ZNF519: variants seen among roughly 807,000 people sequenced by gnomAD.
The protein encoded by ZNF519 is zinc finger protein 519.
A neutral mutation model predicts 7.4 loss-of-function variants in ZNF519; 7 were observed. The observed-to-expected ratio is 0.94, with a 90% CI of 0.54 to 1.77. ZNF519 has a LOEUF of 1.77. Among genes scored for constraint, ZNF519 ranks in the 40% most tolerant of loss-of-function variants. The pLI is 0.00. For missense variants in ZNF519, 586 were observed against 623.1 expected (o/e 0.94, Z 0.63); for synonymous variants, 179 against 203.3 (o/e 0.88, Z 1.02).
At chr18:14,088,018 C>A (rs888010567) in intron 2 of ZNF519, among the ~76,000 whole-genome samples, 3 of 152,150 alleles carry the variant, frequency 2.0e-5, no homozygotes, top group Non-Finnish European at 4.4e-5. Flanking sequence ...AAAGCAAGAT[C>A]ATCACCAATT....
At chr18:14,075,533 C>A (rs2046044458), downstream of ZNF519, 1 of 152,150 alleles carries the variant, frequency 6.6e-6, no homozygotes, top group African/African-American at 2.4e-5. Flanking sequence ...TGTTTCAACC[C>A]AAAAGCAGGC....
chr18:14,095,073 C>T (rs980230820), downstream of ZNF519, among the ~76,000 whole-genome samples: 2 of 152,092 alleles, frequency 1.3e-5, no homozygotes, highest in Non-Finnish European at 2.9e-5. Flanking sequence ...GGTCATTGTT[C>T]CCTGAATGTT....
intron 2 of ZNF519, among the ~76,000 whole-genome samples, chr18:14,110,258 T>TA (rs1567950359): frequency 6.6e-6 from 1 of 151,884 alleles, no homozygotes; most frequent in African/African-American, 2.4e-5. Flanking sequence ...AGGTAACATA[T>TA]AAAAAAACTC....
At chr18:14,096,864 G>T (rs1273809235), downstream of ZNF519, among the ~76,000 whole-genome samples, 1 of 152,204 alleles carries the variant, frequency 6.6e-6, no homozygotes, top group Non-Finnish European at 1.5e-5. Flanking sequence ...TTCCCTTCCT[G>T]TGAGTTCAGC....
intron 2 of ZNF519, among the ~76,000 whole-genome samples, chr18:14,115,618 C>T (rs1276445058): frequency 4.6e-5 from 7 of 152,112 alleles, no homozygotes; most frequent in East Asian, 1.9e-4. Context: ...GTAATCTGCA[C>T]ATCCATATTC....
chr18:14,098,161 CTTT>C (rs11438208), downstream of ZNF519, among the ~76,000 whole-genome samples: 11 of 139,766 alleles, frequency 7.9e-5, no homozygotes, highest in African/African-American at 1.3e-4. Context: ...CTTTCACTGT[CTTT>C]TTTTTTTTTT....
At chr18:14,087,125 G>A (rs1233997497) in intron 2 of ZNF519, among the ~76,000 whole-genome samples, 4 of 152,090 alleles carry the variant, frequency 2.6e-5, no homozygotes, top group Non-Finnish European at 4.4e-5. Flanking sequence ...TTAATGGAAC[G>A]AAGGACAAAA....
chr18:14,120,590 T>A (rs12103965), intron 2 of ZNF519, among the ~76,000 whole-genome samples: 34,389 of 151,466 alleles, frequency 0.23, 4,244 homozygotes, highest in African/African-American at 0.27. Context: ...GAAAAAAAAA[T>A]TTTTTTAAAC....
intron 1 of ZNF519, among the ~76,000 whole-genome samples, chr18:14,128,242 G>A (rs2143174100): frequency 6.6e-6 from 1 of 151,972 alleles, no homozygotes; most frequent in East Asian, 1.9e-4. Context: ...GCAGTGCGCC[G>A]AGATCGCACC....
downstream of ZNF519, among the ~76,000 whole-genome samples, chr18:14,096,427 T>G (rs1182905256): frequency 6.6e-6 from 1 of 152,242 alleles, no homozygotes; most frequent in Non-Finnish European, 1.5e-5. Context: ...ATTTCACCAT[T>G]TGCTTCATTC....
chr18:14,124,462 G>A lies in ZNF519; in HGVS notation c.18C>T (p.Phe6=). The A allele has an allele frequency of 6.2e-7, 1 of 1,610,406 alleles. No homozygotes were observed. The highest frequency in any genetic ancestry group is 8.5e-7 in the Non-Finnish European group (1 of 1,179,182). Residue 6 remains phenylalanine, a synonymous_variant, in exon 2 of 3, where the codon TTC becomes TTT. Coordinates refer to ENST00000590202, the MANE Select transcript of ZNF519 (RefSeq NM_145287.4). ...GAGAGAATTCTATGGCCACATCCCT[G>A]AATGTTAAGAGTTCCTGGAAACACA... MELLT[F]RDVAIEFSPE... is the part of the protein sequence containing the mutation.
At chr18:14,108,354 T>C (rs1399603509) in intron 2 of ZNF519, among the ~76,000 whole-genome samples, 6 of 152,132 alleles carry the variant, frequency 3.9e-5, no homozygotes, top group Admixed American at 3.3e-4. Flanking sequence ...TCTTTGAGAA[T>C]GATTCCTTTT....
rs1400621957 is a variant in ZNF519, at chr18:14,101,023, T to G, written c.*3894A>C. The G allele has an allele frequency of 6.6e-6, 1 of 152,294 alleles. No individual in the cohort carries two copies. Among genetic ancestry groups the G allele is most frequent in the Non-Finnish European group, 1.5e-5 (1 of 68,056 alleles). 9.4% of individuals were successfully genotyped at this position (152,294 alleles called of 1,614,324 possible). ...AAACAATCATATCATGTTAGGCTTC[T>G]TAGAACCCCAGTTCCAAAGAAGCAA... On this transcript the variant is annotated 3_prime_UTR_variant, in exon 3 of 3. Coordinates refer to ENST00000590202, the MANE Select transcript of ZNF519 (RefSeq NM_145287.4).
chr18:14,114,774 TA>T (rs1402598312), intron 2 of ZNF519, among the ~76,000 whole-genome samples: 2 of 152,164 alleles, frequency 1.3e-5, no homozygotes, highest in Non-Finnish European at 2.9e-5. Context: ...TTTAATTGTA[TA>T]TTTTTAAATA....
rs778643032 is a variant in ZNF519 at position 14,124,388 on chromosome 18, T to C, written c.92A>G (p.Asp31Gly). Residue 31 changes from aspartate (D) to glycine (G), a missense_variant, in exon 2 of 3, where the codon GAT becomes GGT. Transcript: ENST00000590202. ...GTTTCTGTAGTTCTCCAACATCACA[T>C]CTCTATATAAATTCTGTTGGGCAGG... ...LDPAQQNLYR[D>G]VMLENYRNLV... is the part of the protein sequence containing the mutation. 6.2e-7 allele frequency: 1 copy of C among 1,612,052 alleles called. No homozygotes were observed. The highest frequency in any genetic ancestry group is 8.5e-7 in the Non-Finnish European group (1 of 1,179,566).
chr18:14,100,032 A>C lies in ZNF519; in HGVS notation c.*4885T>G, dbSNP rs993256357. ...TCAAAACTTGCAAGAAAACAAATACAATTAGAAAACATGCAGACATGAATA... is the reference window on the plus strand; with the variant it reads ...TCAAAACTTGCAAGAAAACAAATACCATTAGAAAACATGCAGACATGAATA... On this transcript the variant is annotated 3_prime_UTR_variant, in exon 3 of 3. Coordinates refer to ENST00000590202, the MANE Select transcript of ZNF519 (RefSeq NM_145287.4). 6.6e-6 allele frequency: 1 copy of C among 152,250 alleles called. No homozygotes were observed. Among genetic ancestry groups the C allele is most frequent in the South Asian group, 2.1e-4 (1 of 4,832 alleles). The allele number at this position is 152,250 out of a possible 1,614,324, so 9.4% of individuals were successfully genotyped here.
intron 1 of ZNF519, among the ~76,000 whole-genome samples, chr18:14,125,207 T>A (rs1271058174): frequency 2.0e-5 from 3 of 152,110 alleles, no homozygotes; most frequent in African/African-American, 7.2e-5. Flanking sequence ...AGACCACCAA[T>A]CATCAGCCTG....
chr18:14,094,810 TTTGA>T (rs1476974659), intron 2 of ZNF519, among the ~76,000 whole-genome samples: 7 of 152,240 alleles, frequency 4.6e-5, no homozygotes, highest in Admixed American at 1.3e-4. Flanking sequence ...TTTTTTTTTG[TTTGA>T]TTGATTCTGT....
chr18:14,103,135 T>C lies in ZNF519; in HGVS notation c.*1782A>G, dbSNP rs996078992. On this transcript the variant is annotated 3_prime_UTR_variant, in exon 3 of 3. Transcript: ENST00000590202. ...AAGTATAGAAACTTCTATACTCCAA[T>C]GTAAATAATGGGCAGAAAAAGTGGG... 1 of 152,056 alleles carries C rather than the reference T, an allele frequency of 6.6e-6. No individual in the cohort carries two copies. The highest frequency in any genetic ancestry group is 1.5e-5 in the Non-Finnish European group (1 of 67,978). 9.4% of individuals were successfully genotyped at this position (152,056 alleles called of 1,614,324 possible).
Sources: allele counts gnomAD v4.1 joint callset (sites outside exome capture counted in the v4.1 genomes callset), GRCh38; gene constraint gnomAD v4.1.1; transcripts MANE v1.5; gene names NCBI Gene and HGNC (gene_info 2026-07-23, HGNC 2026-07-21).